The following UNC13C variants were observed in gnomAD, a reference collection of about 807,000 sequenced individuals.
UNC13C encodes the protein protein unc-13 homolog C.
In UNC13C, 174 loss-of-function variants were observed where a neutral mutation model predicts 245.4. That is an observed-to-expected ratio of 0.71 (90% CI 0.63 to 0.80). The LOEUF is 0.80. Among genes scored for constraint, UNC13C ranks in the 30% least tolerant of loss-of-function variants. The pLI is 0.00. For missense variants in UNC13C, 2,829 were observed against 2,602.9 expected, an observed-to-expected ratio of 1.09 and a Z score of -1.89; for synonymous variants, 992 against 895.1, an observed-to-expected ratio of 1.11 and a Z score of -1.93.
intron 30 of UNC13C, among the ~76,000 whole-genome samples, chr15:54,573,028 T>C (rs1269840889): frequency 6.6e-6 from 1 of 152,182 alleles, no homozygotes; most frequent in Non-Finnish European, 1.5e-5. Context: ...CAATAACTTA[T>C]AATCAATTTT....
intron 2 of UNC13C, among the ~76,000 whole-genome samples, chr15:54,126,132 CAT>C (rs1282297415): frequency 6.6e-6 from 1 of 152,094 alleles, no homozygotes; most frequent in Non-Finnish European, 1.5e-5. Context: ...TAAGCCTTAA[CAT>C]ATCAATAATT....
At chr15:54,274,908 G>T (rs1214195772) in intron 10 of UNC13C, among the ~76,000 whole-genome samples, 1 of 151,970 alleles carries the variant, frequency 6.6e-6, no homozygotes, top group Non-Finnish European at 1.5e-5. Flanking sequence ...CTGACCTTGT[G>T]ATCCGCCTGC....
chr15:54,469,938 C>G (rs1189739196), intron 19 of UNC13C, among the ~76,000 whole-genome samples: 4 of 151,490 alleles, frequency 2.6e-5, no homozygotes, highest in Admixed American at 1.3e-4. Context: ...CCTTCTAAAA[C>G]TAATTTGTTG....
intron 1 of UNC13C, among the ~76,000 whole-genome samples, chr15:53,994,271 G>A (rs770828951): frequency 2.0e-5 from 3 of 151,470 alleles, no homozygotes; most frequent in Non-Finnish European, 2.9e-5. Context: ...TATATGGAAC[G>A]TACTCTATCT....
chr15:54,096,742 A>G (rs1426825047), intron 2 of UNC13C, among the ~76,000 whole-genome samples: 1 of 152,136 alleles, frequency 6.6e-6, no homozygotes, highest in Admixed American at 6.6e-5. Context: ...TCCTTTAACT[A>G]TACGGTAGAC....
chr15:54,475,972 T>G (rs1344918128), intron 19 of UNC13C, among the ~76,000 whole-genome samples: 2,328 of 83,228 alleles, frequency 0.028, 44 homozygotes, highest in East Asian at 0.088. Context: ...AGCACCTGTT[T>G]TTTCCTGACT....
intron 4 of UNC13C, among the ~76,000 whole-genome samples, chr15:54,204,341 GT>G (rs758098040): frequency 5.9e-4 from 83 of 141,838 alleles, no homozygotes; most frequent in Non-Finnish European, 9.5e-4. Flanking sequence ...CCTCAATTCC[GT>G]TTTTACATAC....
intron 10 of UNC13C, among the ~76,000 whole-genome samples, chr15:54,284,394 C>A (rs2037086389): frequency 1.3e-5 from 2 of 152,124 alleles, no homozygotes; most frequent in Admixed American, 6.5e-5. Context: ...ATTTTGAATA[C>A]CTACTTGCTG....
chr15:54,486,694 C>T (rs1893434667), intron 19 of UNC13C, among the ~76,000 whole-genome samples: 2 of 152,142 alleles, frequency 1.3e-5, no homozygotes, highest in East Asian at 1.9e-4. Flanking sequence ...GCTTTGGACA[C>T]CTATCTTTTA....
rs376864287 is a variant in UNC13C at position 54,567,913 on chromosome 15, G to A, written c.6072G>A (p.Leu2024=). 37 of 1,583,778 alleles carry A rather than the reference G, an allele frequency of 2.3e-5. No homozygotes were observed. Among genetic ancestry groups the A allele is most frequent in the Non-Finnish European group, 3.2e-5 (37 of 1,163,224 alleles). The change falls in exon 30 of 33, where the codon TTG becomes TTA. Residue 2024 remains leucine (L), a synonymous_variant. Coordinates refer to ENST00000260323, the MANE Select transcript of UNC13C (RefSeq NM_001080534.3). ...TTTATACCCAAACTACTGATGCCTT[G>A]ATAAAGAAATTCATAGATACTCAAA... ...LSLYTQTTDA[L]IKKFIDTQTS...
At chr15:54,165,192 A>T in intron 4 of UNC13C, among the ~76,000 whole-genome samples, 1 of 152,168 alleles carries the variant, frequency 6.6e-6, no homozygotes, top group East Asian at 1.9e-4. Context: ...TTAAAGAAAT[A>T]TCTGTGTGTT....
chr15:54,455,206 T>TCTCTCTCC (rs1491473719), intron 19 of UNC13C, among the ~76,000 whole-genome samples: 24 of 24,026 alleles, frequency 1.0e-3, no homozygotes, highest in African/African-American at 3.0e-3. Flanking sequence ...TCTCTCTCTC[T>TCTCTCTCC]ATATATATAT....
chr15:54,234,451 A>G (rs2035636254), intron 4 of UNC13C, among the ~76,000 whole-genome samples: 1 of 152,150 alleles, frequency 6.6e-6, no homozygotes, highest in African/African-American at 2.4e-5. Context: ...TAAAGATGCA[A>G]TAAACATCGT....
intron 19 of UNC13C, among the ~76,000 whole-genome samples, chr15:54,493,824 C>G (rs1414717853): frequency 1.3e-5 from 2 of 152,048 alleles, no homozygotes; most frequent in Admixed American, 6.6e-5. Flanking sequence ...TTATTTGTCT[C>G]TATTCCCCAG....
At chr15:54,603,385 C>T (rs1157508641) in intron 30 of UNC13C, among the ~76,000 whole-genome samples, 1 of 152,178 alleles carries the variant, frequency 6.6e-6, no homozygotes, top group Non-Finnish European at 1.5e-5. Flanking sequence ...TTTTGAAGAA[C>T]ACACCCTGTA....
At chr15:53,837,737 T>G in the UNC13C span, among the ~76,000 whole-genome samples, 1 of 152,192 alleles carries the variant, frequency 6.6e-6, no homozygotes. Flanking sequence ...ATTTCTTGTG[T>G]GTAGTATGAG....
chr15:54,575,194 C>T (rs1027666619), intron 30 of UNC13C, among the ~76,000 whole-genome samples: 3 of 152,148 alleles, frequency 2.0e-5, no homozygotes, highest in Non-Finnish European at 4.4e-5. Flanking sequence ...CGCCACCACA[C>T]CCAGCTAATT....
intron 7 of UNC13C, among the ~76,000 whole-genome samples, chr15:54,246,602 A>G (rs2035998803): frequency 6.6e-6 from 1 of 152,202 alleles, no homozygotes; most frequent in Admixed American, 6.5e-5. Flanking sequence ...TAATCTTAAA[A>G]TACATATTTT....
At chr15:54,624,845 C>A (rs905266573) in intron 32 of UNC13C, among the ~76,000 whole-genome samples, 2 of 151,874 alleles carry the variant, frequency 1.3e-5, no homozygotes, top group Non-Finnish European at 2.9e-5. Flanking sequence ...AGCTTACTTA[C>A]AAAGGAATTT....
Sources: allele counts gnomAD v4.1 joint callset (sites outside exome capture counted in the v4.1 genomes callset), GRCh38; gene constraint gnomAD v4.1.1; transcripts MANE v1.5; gene names NCBI Gene and HGNC (gene_info 2026-07-23, HGNC 2026-07-21).